C3orf20: variants seen among roughly 807,000 people sequenced by gnomAD.
The protein encoded by C3orf20 is family with sequence similarity 149 member C.
C3orf20 carries 76 observed loss-of-function variants against 88.3 expected under a neutral mutation model. The ratio of observed to expected loss-of-function variants is 0.86; its 90% CI spans 0.72 to 1.04. C3orf20 has a LOEUF of 1.04. Ranked by LOEUF, C3orf20 falls within the 50% of genes least tolerant of loss-of-function variation. The probability of loss-of-function intolerance (pLI) is 0.00; values close to 1 mark genes in which losing one functional copy is unlikely to be tolerated. For missense variants in C3orf20, 1,056 were observed against 1,123.3 expected (o/e 0.94, Z 0.86); for synonymous variants, 436 against 437.4 (o/e 1.00, Z 0.04).
At chr3:14,696,219 A>T (rs923558137) in intron 5 of C3orf20, among the ~76,000 whole-genome samples, 1 of 151,394 alleles carries the variant, frequency 6.6e-6, no homozygotes, top group African/African-American at 2.4e-5. Context: ...TTTTAAGCTG[A>T]TAACAACTTC....
At chr3:14,681,644 G>A (rs529530412) in intron 1 of C3orf20, among the ~76,000 whole-genome samples, 1 of 152,282 alleles carries the variant, frequency 6.6e-6, no homozygotes, top group African/African-American at 2.4e-5. Flanking sequence ...AAAGTCCCTT[G>A]GGAATTACAA....
rs1336611289 is a variant in C3orf20, at chr3:14,772,011, A to T, written c.2496-56A>T. 1.2e-6 allele frequency: 2 copies of T among 1,607,184 alleles called. No homozygotes were observed. The highest frequency in any genetic ancestry group is 1.3e-5 in the African/African-American group (1 of 74,810). On this transcript the variant is annotated intron_variant, in intron 15 of 16. Transcript: ENST00000253697. The surrounding 1 kb of genome is among the most constrained non-coding windows in gnomAD (Gnocchi z 4.2). ...CAGGCTCCCAGAACACTGATGGGAC[A>T]GCGTGCAGTGCACCCTGGGCCCTGA... is the stretch of plus-strand genomic sequence containing the variant.
At chr3:14,706,483 CCTAGCCTGCAGGAATCTCTGTTCTCTCA>C (rs1407194645) in intron 7 of C3orf20, among the ~76,000 whole-genome samples, 2 of 151,354 alleles carry the variant, frequency 1.3e-5, no homozygotes, top group African/African-American at 4.9e-5. Flanking sequence ...AGCACAGCAC[CCTAGCCTGCAGGAATCTCTGTTCTCTCA>C]CTTGTCCCAG....
chr3:14,760,062 C>A (rs903818334), intron 14 of C3orf20, 64 bp downstream of exon 14: 7 of 1,150,318 alleles, frequency 6.1e-6, no homozygotes, highest in Non-Finnish European at 9.2e-6. Flanking sequence ...TCTGCCCCTG[C>A]AGAATCACAC....
At chr3:14,679,491 C>T (rs891045309) in intron 1 of C3orf20, among the ~76,000 whole-genome samples, 10 of 152,172 alleles carry the variant, frequency 6.6e-5, no homozygotes, top group Admixed American at 1.3e-4. Context: ...GTGTGGGTGC[C>T]ACAATGTCAT....
At chr3:14,760,169 G>A (rs548499295) in intron 14 of C3orf20, among the ~76,000 whole-genome samples, 171 bp downstream of exon 14, 1 of 152,328 alleles carries the variant, frequency 6.6e-6, no homozygotes, top group Non-Finnish European at 1.5e-5. Flanking sequence ...CTGACCAAGA[G>A]TCACCCAGCA....
chr3:14,687,976 T>G (rs2032517277), intron 4 of C3orf20, among the ~76,000 whole-genome samples: 1 of 152,142 alleles, frequency 6.6e-6, no homozygotes, highest in Non-Finnish European at 1.5e-5. Context: ...CACTTGCTGG[T>G]GCAGACGCTC....
intron 4 of C3orf20, 99 bp from the exon 5 acceptor site, chr3:14,689,898 C>T (rs1575094241): frequency 6.6e-7 from 1 of 1,515,002 alleles, no homozygotes; most frequent in East Asian, 2.3e-5. Context: ...CAGTATGTGA[C>T]CCACCGTACT....
intron 5 of C3orf20, among the ~76,000 whole-genome samples, chr3:14,700,215 A>G (rs148433755): frequency 1.3e-5 from 2 of 151,856 alleles, no homozygotes; most frequent in African/African-American, 2.4e-5. Context: ...AGGTACTATG[A>G]GTGCTCACCT....
Sources: gnomAD v4.1 joint callset for allele counts (sites outside exome capture counted in the v4.1 genomes callset) on GRCh38, gnomAD v4.1.1 for gene constraint, Gnocchi (gnomAD v3.1) non-coding constraint, MANE v1.5 for transcripts, NCBI Gene and HGNC (gene_info 2026-07-23, HGNC 2026-07-21) for gene names.